The following SORL1 variants were observed in gnomAD, a reference collection of about 807,000 sequenced individuals.
The protein encoded by SORL1 is sortilin-related receptor.
SORL1 carries 127 observed loss-of-function variants against 273.7 expected under a neutral mutation model. The observed-to-expected ratio is 0.46, with a 90% confidence interval of 0.40 to 0.54. The LOEUF is 0.54. SORL1 is among the 20% of genes least tolerant of loss of function. The pLI, the probability that SORL1 is intolerant of heterozygous loss-of-function variation, is 0.00. For synonymous variants in SORL1, 1,031 were observed against 1,067.4 expected (o/e 0.97, Z 0.66); for missense variants, 2,494 against 2,846.1 (o/e 0.88, Z 2.81).
rs1024427740 is a variant in SORL1 at position 121,514,334 on chromosome 11, T to C, written c.1211+13T>C. 9 of 1,606,446 alleles carry C rather than the reference T, an allele frequency of 5.6e-6. No individual in the cohort carries two copies. The African/African-American group carries it at 1.1e-4, about 19-fold the overall frequency. On this transcript the variant is annotated intron_variant, in intron 8 of 47. Transcript: ENST00000260197. ...ACACCTTGGTGAGGTAAGGAGACTG[T>C]GAGTCCTTCTCCTGCCTTCTTAGGC...
At position 121,614,951 on chromosome 11, in the gene SORL1, G is replaced by A; in HGVS notation, c.5500G>A (p.Glu1834Lys). The A allele has an allele frequency of 6.2e-7, 1 of 1,613,772 alleles. No homozygotes were observed. The highest frequency in any genetic ancestry group is 8.5e-7 in the Non-Finnish European group (1 of 1,179,860). Reference sequence around the variant, plus strand: ...CTTGGGGGATAGCCCTCTGGCATTTGAGCATGTTATGACCAGAGGGGTTCG... The same window carrying A: ...CTTGGGGGATAGCCCTCTGGCATTTAAGCATGTTATGACCAGAGGGGTTCG... ...TDLGDSPLAF[E>K]HVMTRGVRPP... The change falls in exon 41 of 48, where the codon GAG becomes AAG. Residue 1834 changes from glutamate (E) to lysine (K), a missense_variant. Glu to Lys is a moderately conservative substitution (Grantham distance 56). Transcript: ENST00000260197.
chr11:121,530,054 G>A (rs913517855), intron 11 of SORL1, among the ~76,000 whole-genome samples: 13 of 152,076 alleles, frequency 8.5e-5, no homozygotes, highest in South Asian at 4.1e-4. Context: ...TGCACTTAAC[G>A]TAAAATTTAG....
chr11:121,550,206 C>A lies in SORL1; in HGVS notation c.2180+118C>A, dbSNP rs1387868923. On this transcript the variant is annotated intron_variant, in intron 15 of 47. Coordinates refer to ENST00000260197, the MANE Select transcript of SORL1 (RefSeq NM_003105.6). The surrounding 1 kb of genome is among the most constrained non-coding windows in gnomAD (Gnocchi z 5.3). ...AAATTCTAGAATTCCAAGTTAACAG[C>A]CTGCAAGTAGTTTGGGCAACATTAT... 1.2e-5 allele frequency: 13 copies of A among 1,059,384 alleles called. No individual in the cohort carries two copies. The South Asian group carries it at 2.0e-4, about 17-fold the overall frequency. 65.6% of individuals were successfully genotyped at this position (1,059,384 alleles called of 1,614,324 possible).
intron 1 of SORL1, among the ~76,000 whole-genome samples, chr11:121,466,406 A>C (rs1374912773): frequency 6.6e-6 from 1 of 152,178 alleles, no homozygotes; most frequent in African/African-American, 2.4e-5. Flanking sequence ...GAACCAAACA[A>C]ACCGGAAGCC....
Position 121,618,831 on chromosome 11 carries a change from T to C in SORL1, c.5662T>C (p.Leu1888=). The part of the protein sequence containing the change: ...FLDLYRNPKS[L]TTSLHNKTVI... ...TGACCTCTATCGCAACCCGAAGAGC[T>C]TGACTACTTCACTCCACAACAAGAC... Residue 1888 remains leucine, a synonymous_variant, in exon 42 of 48, where the codon TTG becomes CTG. Transcript: ENST00000260197. 4 of 1,614,182 alleles carry C rather than the reference T, an allele frequency of 2.5e-6. No homozygotes were observed. The South Asian group carries it at 4.4e-5, about 18-fold the overall frequency.
chr11:121,562,631 G>C (rs1477524227), intron 21 of SORL1, among the ~76,000 whole-genome samples: 1 of 152,100 alleles, frequency 6.6e-6, no homozygotes, highest in African/African-American at 2.4e-5. Flanking sequence ...GTTCTTGTAC[G>C]CAAGGAACCC....
At position 121,490,830 on chromosome 11, in the gene SORL1, A is replaced by C. The variant is rs115177221; in HGVS notation, c.758+720A>C. On this transcript the variant is annotated intron_variant, in intron 5 of 47. Coordinates refer to ENST00000260197, the MANE Select transcript of SORL1 (RefSeq NM_003105.6). ...TAAAACCTACTAGATTCTTAAGGGT[A>C]TAAGAAATTGAATAATTTATGGATA... Among the ~76,000 whole-genome samples, 972 of 152,258 alleles carry C rather than the reference A, an allele frequency of 6.4e-3. 13 individuals are homozygous for C. Among genetic ancestry groups the C allele is most frequent in the African/African-American group, 0.023 (936 of 41,552 alleles).
At chr11:121,572,954 C>T (rs1792125) in intron 23 of SORL1, among the ~76,000 whole-genome samples, 64,034 of 152,050 alleles carry the variant, frequency 0.42, 16,376 homozygotes, top group Non-Finnish European at 0.59. Context: ...ACGACAACCC[C>T]TCCCCCGTGC....
At chr11:121,518,742 G>C (rs1481291907) in intron 8 of SORL1, among the ~76,000 whole-genome samples, 2 of 152,156 alleles carry the variant, frequency 1.3e-5, no homozygotes, top group Non-Finnish European at 2.9e-5. Context: ...CCCTCAGCCT[G>C]AAGCTGCTTT....
Position 121,595,808 on chromosome 11 carries a change from G to A in SORL1, c.4519+36G>A, listed in dbSNP as rs771410321. ...AGAGAGCCCTTCACCCCCTGGGCAC[G>A]TTTCTGCAGAGAGCACAGTTCTGGT... On this transcript the variant is annotated intron_variant, in intron 32 of 47. Transcript: ENST00000260197. This position sits in a 1 kb window ranked among gnomAD's most constrained non-coding sequence, Gnocchi z 5.1. 23 of 1,602,294 alleles carry A rather than the reference G, an allele frequency of 1.4e-5. No homozygotes were observed. The highest frequency in any genetic ancestry group is 1.2e-4 in the African/African-American group (9 of 74,796).
At chr11:121,555,404 C>T in intron 18 of SORL1, 86 bp downstream of exon 18, 3 of 1,515,038 alleles carry the variant, frequency 2.0e-6, no homozygotes, top group Non-Finnish European at 2.7e-6. Flanking sequence ...AGGCAAGGGC[C>T]AGTGTGTCAG....
intron 1 of SORL1, among the ~76,000 whole-genome samples, chr11:121,465,838 T>C (rs1194243390): frequency 6.6e-6 from 1 of 152,128 alleles, no homozygotes; most frequent in African/African-American, 2.4e-5. Flanking sequence ...GGTGTGTCTT[T>C]TAAAAAAGAC....
intron 12 of SORL1, among the ~76,000 whole-genome samples, chr11:121,533,073 A>G (rs539913662): frequency 4.6e-5 from 7 of 152,322 alleles, no homozygotes; most frequent in African/African-American, 1.7e-4. Context: ...GCAATTAATA[A>G]TAATGGCCAA....
At chr11:121,581,487 CT>C (rs1342678385) in intron 25 of SORL1, among the ~76,000 whole-genome samples, 5 of 152,236 alleles carry the variant, frequency 3.3e-5, no homozygotes, top group Admixed American at 2.6e-4. Flanking sequence ...GCAGAGGATT[CT>C]TTTTCTTCCC....
At chr11:121,489,923 C>A in intron 4 of SORL1, 120 bp from the exon 5 acceptor site, 1 of 737,630 alleles carries the variant, frequency 1.4e-6, no homozygotes, top group Non-Finnish European at 2.4e-6. Flanking sequence ...TTGGCAGTCT[C>A]AGTGCCTGCC....
chr11:121,517,024 C>G (rs1331624985), intron 8 of SORL1, among the ~76,000 whole-genome samples: 9 of 152,066 alleles, frequency 5.9e-5, no homozygotes, highest in Admixed American at 5.9e-4. Context: ...TGCACTTCAG[C>G]CTGGGCGACA....
At chr11:121,613,704 G>T (rs181987398) in intron 40 of SORL1, among the ~76,000 whole-genome samples, 339 of 152,278 alleles carry the variant, frequency 2.2e-3, no homozygotes, top group Non-Finnish European at 4.1e-3. Context: ...CTTTACAGAG[G>T]CAAAACTGAA....
intron 35 of SORL1, 150 bp downstream of exon 35, chr11:121,605,721 T>A: frequency 1.5e-6 from 1 of 645,924 alleles, no homozygotes; most frequent in Non-Finnish European, 2.7e-6. Context: ...CTTGCCAGAG[T>A]TGTCAAACAT....
At chr11:121,556,611 AACTCAAAT>A in intron 18 of SORL1, among the ~76,000 whole-genome samples, 2 of 152,338 alleles carry the variant, frequency 1.3e-5, no homozygotes, top group Admixed American at 1.3e-4. Flanking sequence ...ACCACTGCAC[AACTCAAAT>A]ACTGTTGGTG....
Sources: allele counts gnomAD v4.1 joint callset (sites outside exome capture counted in the v4.1 genomes callset), GRCh38; gene constraint gnomAD v4.1.1; non-coding constraint Gnocchi (gnomAD v3.1); transcripts MANE v1.5; gene names NCBI Gene and HGNC (gene_info 2026-07-23, HGNC 2026-07-21).